Variants in RPA1 observed in about 807,000 individuals in gnomAD.
RPA1 encodes replication protein A 70 kDa DNA-binding subunit.
RPA1 carries 49 observed loss-of-function variants against 83.0 expected under a neutral mutation model. The observed-to-expected ratio is 0.59, with a 90% CI of 0.47 to 0.75. The LOEUF (loss-of-function observed/expected upper bound fraction) is 0.75, where lower values mean the gene tolerates loss of function less well. Ranked by LOEUF, RPA1 falls within the 30% of genes least tolerant of loss-of-function variation. RPA1 has a pLI of 0.00. For missense variants in RPA1, 693 were observed against 776.1 expected (o/e 0.89, Z 1.27); for synonymous variants, 279 against 281.8 (o/e 0.99, Z 0.10).
intron 16 of RPA1, 75 bp downstream of exon 16, chr17:1,895,170 C>T (rs1451949003): frequency 2.5e-6 from 3 of 1,212,266 alleles, no homozygotes; most frequent in Admixed American, 1.9e-5. Context: ...TCGTGACACT[C>T]CCTGGCAGGG....
rs200554274 is a variant in RPA1, at chr17:1,844,609, C to A, written c.195C>A (p.Leu65=). Residue 65 remains leucine (L), a synonymous_variant, in exon 4 of 17, where the codon CTC becomes CTA. Transcript: ENST00000254719. ...TGTTGGCGACACAGTTGAACCCTCT[C>A]GTGGAGGAAGAACAATTGTCCAGCA... The part of the protein sequence containing the change: ...SFMLATQLNP[L]VEEEQLSSNC... 6.2e-7 allele frequency: 1 copy of A among 1,613,464 alleles called. No individual in the cohort carries two copies. Among genetic ancestry groups the A allele is most frequent in the African/African-American group, 1.3e-5 (1 of 75,024 alleles).
rs1292808729 is a variant in RPA1 at position 1,873,349 on chromosome 17, G to A, written c.454+823G>A. ...ATGGAATCATTTTGTTTACTTTCTG[G>A]CCTTTACTTTAGGAACCTCTTGATC... On this transcript the variant is annotated intron_variant, in intron 6 of 16. Transcript: ENST00000254719. Among the ~76,000 whole-genome samples, 3 of 152,080 alleles carry A rather than the reference G, an allele frequency of 2.0e-5. No homozygotes were observed. The East Asian group carries it at 5.8e-4, about 29-fold the overall frequency.
chr17:1,894,636 A>G (rs1263883688), intron 15 of RPA1, among the ~76,000 whole-genome samples: 1 of 152,170 alleles, frequency 6.6e-6, no homozygotes, highest in Non-Finnish European at 1.5e-5. Context: ...ACTTTTTTAA[A>G]TAGGCAAATT....
Position 1,879,544 on chromosome 17 carries a change from C to T in RPA1, c.953-16C>T, listed in dbSNP as rs201183108. ...GAGTCTTGACCACCTCCTGCTAACACGTGCATGTGTTTTAGACATCATCGG... is the reference window on the plus strand; with the variant it reads ...GAGTCTTGACCACCTCCTGCTAACATGTGCATGTGTTTTAGACATCATCGG... On this transcript the variant is annotated splice_polypyrimidine_tract_variant and intron_variant, in intron 10 of 16. Coordinates refer to ENST00000254719, the MANE Select transcript of RPA1 (RefSeq NM_002945.5). 3.7e-6 allele frequency: 6 copies of T among 1,614,066 alleles called. No individual in the cohort carries two copies. In the South Asian group the frequency reaches 5.5e-5, roughly 15 times the overall value.
intron 6 of RPA1, among the ~76,000 whole-genome samples, chr17:1,873,992 C>CAA (rs71150832): frequency 6.0e-3 from 272 of 45,390 alleles, no homozygotes; most frequent in East Asian, 0.011. Context: ...GACTCTGTCT[C>CAA]AAAAAAAAAA....
rs1480256441 is a variant in RPA1 at position 1,858,147 on chromosome 17, G to A, written c.361+4958G>A. ...GGCCTTTTCCTAGGTTCCACATCAA[G>A]TGTCGGATCCCATTCCAGGTATGAT... On this transcript the variant is annotated intron_variant, in intron 5 of 16. Transcript: ENST00000254719. The A allele has an allele frequency of 1.4e-5, 22 of 1,613,850 alleles. No individual in the cohort carries two copies. The East Asian group carries it at 4.2e-4, about 31-fold the overall frequency.
chr17:1,895,972 C>A (rs1298220279), intron 16 of RPA1, among the ~76,000 whole-genome samples: 1 of 152,078 alleles, frequency 6.6e-6, no homozygotes, highest in Non-Finnish European at 1.5e-5. Context: ...GCATGAGCCA[C>A]CGCGCCCAGC....
chr17:1,874,475 C>T (rs1459077645), intron 6 of RPA1, among the ~76,000 whole-genome samples: 1 of 152,184 alleles, frequency 6.6e-6, no homozygotes, highest in East Asian at 1.9e-4. Flanking sequence ...CACCTGCACT[C>T]CAGCCTGGGG....
At chr17:1,871,832 C>G (rs959481287) in intron 5 of RPA1, among the ~76,000 whole-genome samples, 1 of 152,162 alleles carries the variant, frequency 6.6e-6, no homozygotes, top group Non-Finnish European at 1.5e-5. Context: ...TCTCTCCCCG[C>G]TGTGACAGTT....
intron 5 of RPA1, among the ~76,000 whole-genome samples, chr17:1,856,005 T>C (rs1912678502): frequency 6.6e-6 from 1 of 152,136 alleles, no homozygotes; most frequent in Non-Finnish European, 1.5e-5. Flanking sequence ...ACCCCAATTA[T>C]TAGAAATTAT....
intron 15 of RPA1, among the ~76,000 whole-genome samples, chr17:1,892,662 C>G (rs752717093): frequency 6.6e-6 from 1 of 152,118 alleles, no homozygotes; most frequent in Non-Finnish European, 1.5e-5. Context: ...TTAAAATGCA[C>G]GTATGTCAAG....
Position 1,877,336 on chromosome 17 carries a change from G to A in RPA1, c.690+22G>A, listed in dbSNP as rs536536201. ...AAGTGTGAGTGTTTGTCATGCTGGGGAGTGAGGGCAGTGGGCTCGCCGGGA... is the reference window on the plus strand; with the variant it reads ...AAGTGTGAGTGTTTGTCATGCTGGGAAGTGAGGGCAGTGGGCTCGCCGGGA... On this transcript the variant is annotated intron_variant, in intron 8 of 16. Coordinates refer to ENST00000254719, the MANE Select transcript of RPA1 (RefSeq NM_002945.5). 5.4e-5 allele frequency: 87 copies of A among 1,607,784 alleles called. 1 individual carries two copies. The South Asian group carries it at 7.7e-4, about 14-fold the overall frequency.
chr17:1,895,131 G>A (rs1303696585), intron 16 of RPA1, 36 bp downstream of exon 16: 1 of 1,557,460 alleles, frequency 6.4e-7, no homozygotes, highest in African/African-American at 1.4e-5. Context: ...TTGGTGGTGG[G>A]GAGGTGCTGT....
chr17:1,832,456 G>A (rs941104467), intron 1 of RPA1, among the ~76,000 whole-genome samples: 1 of 152,008 alleles, frequency 6.6e-6, no homozygotes, highest in Non-Finnish European at 1.5e-5. Flanking sequence ...GCACGATCTT[G>A]ACTCACTGCA....
chr17:1,858,457 G>A, intron 5 of RPA1: 1 of 1,299,564 alleles, frequency 7.7e-7, no homozygotes, highest in Non-Finnish European at 1.1e-6. Flanking sequence ...CTTGGGTTCT[G>A]GTCTCTCTTT....
At chr17:1,838,112 A>C (rs1304246432) in intron 1 of RPA1, among the ~76,000 whole-genome samples, 1 of 151,426 alleles carries the variant, frequency 6.6e-6, no homozygotes, top group African/African-American at 2.4e-5. Context: ...GCCAACATGG[A>C]GAAATCCCGT....
chr17:1,891,799 CT>C, intron 14 of RPA1, 33 bp from the exon 15 acceptor site: 1 of 1,343,938 alleles, frequency 7.4e-7, no homozygotes, highest in Non-Finnish European at 1.0e-6. Flanking sequence ...TTTATTATTT[CT>C]TTGCTGAAAT....
chr17:1,883,688 A>G lies in RPA1; in HGVS notation c.1242-124A>G, dbSNP rs1467509041. On this transcript the variant is annotated intron_variant, in intron 12 of 16. Transcript: ENST00000254719. ...ACCAGCTTCAGCCGACATGACCGTGACCTGTGTGAAAGCTGGGCGGGTGGT... is the reference window on the plus strand; with the variant it reads ...ACCAGCTTCAGCCGACATGACCGTGGCCTGTGTGAAAGCTGGGCGGGTGGT... 6.3e-6 allele frequency: 7 copies of G among 1,118,908 alleles called. No individual in the cohort carries two copies. In the East Asian group the frequency reaches 1.7e-4, roughly 27 times the overall value. The allele number at this position is 1,118,908 out of a possible 1,614,324, so 69.3% of individuals were successfully genotyped here.
intron 13 of RPA1, among the ~76,000 whole-genome samples, chr17:1,885,444 T>C (rs1164573319): frequency 6.6e-6 from 1 of 152,118 alleles, no homozygotes; most frequent in East Asian, 1.9e-4. Flanking sequence ...TGTTGGGATT[T>C]TGATCTCCTC....
Sources: allele counts gnomAD v4.1 joint callset (sites outside exome capture counted in the v4.1 genomes callset), GRCh38; gene constraint gnomAD v4.1.1; transcripts MANE v1.5; gene names NCBI Gene and HGNC (gene_info 2026-07-23, HGNC 2026-07-21).